The following DPP10 variants were observed in gnomAD, a reference collection of about 807,000 sequenced individuals.
DPP10 encodes the protein dipeptidyl peptidase like 10, also known as inactive dipeptidyl peptidase 10.
In DPP10, 33 loss-of-function variants were observed where a neutral mutation model predicts 120.9. That is an observed-to-expected ratio of 0.27 (90% CI 0.21 to 0.37). DPP10 has a LOEUF of 0.37. DPP10 is among the 10% of genes least tolerant of loss of function. DPP10 has a pLI of 1.00. For missense variants in DPP10, 816 were observed against 942.8 expected (o/e 0.87, Z 1.76); for synonymous variants, 337 against 326.1 (o/e 1.03, Z -0.36).
intron 1 of DPP10, among the ~76,000 whole-genome samples, chr2:115,179,940 A>C (rs1432522387): frequency 1.3e-5 from 2 of 152,202 alleles, no homozygotes; most frequent in African/African-American, 2.4e-5. Context: ...TATTTCTTTT[A>C]AGATTCTGTA....
At chr2:114,894,285 T>C (rs778376724) in intron 1 of DPP10, among the ~76,000 whole-genome samples, 1 of 152,188 alleles carries the variant, frequency 6.6e-6, no homozygotes, top group Non-Finnish European at 1.5e-5. Flanking sequence ...CAAGGTGCAT[T>C]CGTAACTCTG....
chr2:115,077,110 A>G (rs181825916), intron 1 of DPP10, among the ~76,000 whole-genome samples: 1 of 152,306 alleles, frequency 6.6e-6, no homozygotes, highest in East Asian at 1.9e-4. Flanking sequence ...GAATGCCACC[A>G]TCTCCCTGAT....
intron 1 of DPP10, among the ~76,000 whole-genome samples, chr2:115,179,882 C>T (rs1025720994): frequency 6.6e-6 from 1 of 152,096 alleles, no homozygotes; most frequent in East Asian, 1.9e-4. Context: ...AACCGTTTCA[C>T]AGAAGGAATT....
chr2:114,939,488 C>A (rs1279964857), intron 1 of DPP10, among the ~76,000 whole-genome samples: 1 of 151,962 alleles, frequency 6.6e-6, no homozygotes. Flanking sequence ...TTGTGACTAC[C>A]TTAATAGATA....
intron 1 of DPP10, among the ~76,000 whole-genome samples, chr2:114,779,818 A>ATT (rs1160356819): frequency 6.6e-6 from 1 of 152,090 alleles, no homozygotes; most frequent in Non-Finnish European, 1.5e-5. Flanking sequence ...TTCCAAAAAC[A>ATT]TTTTCTCATG....
chr2:115,747,352 T>C (rs974532503), intron 10 of DPP10, among the ~76,000 whole-genome samples: 4 of 152,212 alleles, frequency 2.6e-5, no homozygotes, highest in East Asian at 1.9e-4. Flanking sequence ...AATCAAATAG[T>C]AACATTTATT....
chr2:115,120,290 C>T (rs989926311), intron 1 of DPP10, among the ~76,000 whole-genome samples: 1 of 152,160 alleles, frequency 6.6e-6, no homozygotes, highest in African/African-American at 2.4e-5. Flanking sequence ...ACCTCCTCAT[C>T]CTGGGAAGGA....
At chr2:114,942,289 A>G (rs1184347096) in intron 1 of DPP10, among the ~76,000 whole-genome samples, 4 of 129,058 alleles carry the variant, frequency 3.1e-5, no homozygotes, top group African/African-American at 1.2e-4. Flanking sequence ...AAAAATGTGT[A>G]TATATATACA....
intron 3 of DPP10, among the ~76,000 whole-genome samples, chr2:115,367,715 G>A (rs1284848496): frequency 6.6e-6 from 1 of 151,944 alleles, no homozygotes; most frequent in Non-Finnish European, 1.5e-5. Context: ...TGAATAACAA[G>A]CACTAATACA....
intron 1 of DPP10, among the ~76,000 whole-genome samples, chr2:114,711,695 T>A (rs1230970009): frequency 6.6e-6 from 1 of 152,208 alleles, no homozygotes; most frequent in African/African-American, 2.4e-5. Context: ...TTAATTATTT[T>A]TTTTTTGTGA....
chr2:114,725,746 C>T (rs1482462462), intron 1 of DPP10, among the ~76,000 whole-genome samples: 1 of 152,206 alleles, frequency 6.6e-6, no homozygotes, highest in Admixed American at 6.5e-5. Context: ...AAACCACTTT[C>T]AGAGTTTATT....
chr2:114,813,941 A>AACACACACACAC (rs375858356), intron 1 of DPP10, among the ~76,000 whole-genome samples: 6 of 139,476 alleles, frequency 4.3e-5, no homozygotes, highest in East Asian at 4.3e-4. Context: ...GGCACGCATG[A>AACACACACACAC]ACACACACAC....
At chr2:115,737,405 A>C (rs1676687245) in intron 8 of DPP10, among the ~76,000 whole-genome samples, 1 of 152,132 alleles carries the variant, frequency 6.6e-6, no homozygotes. Context: ...GGTGAGGCTA[A>C]ATGTTTCTCC....
intron 9 of DPP10, among the ~76,000 whole-genome samples, chr2:115,745,239 C>T (rs1677803353): frequency 8.5e-6 from 1 of 116,966 alleles, no homozygotes; most frequent in African/African-American, 2.5e-5. Context: ...TTTCACGTTG[C>T]ACTGTTTGCT....
chr2:115,111,507 C>T (rs1426778382), intron 1 of DPP10, among the ~76,000 whole-genome samples: 1 of 152,104 alleles, frequency 6.6e-6, no homozygotes, highest in African/African-American at 2.4e-5. Flanking sequence ...GGTGGAGATG[C>T]CCCTTTGTCA....
rs1384844749 is a variant in DPP10 at position 115,845,553 on chromosome 2, A to AT, written c.*3212dup. On this transcript the variant is annotated 3_prime_UTR_variant, in exon 26 of 26. Transcript: ENST00000410059. ...GAAGCCCATAGCTGCATACCCTTCT[A>AT]TTTTCCTCTTCCCCATTTCACTCTT... The AT allele has an allele frequency of 6.6e-6, 1 of 151,890 alleles. No individual in the cohort carries two copies. Among genetic ancestry groups the AT allele is most frequent in the African/African-American group, 2.4e-5 (1 of 41,338 alleles). The allele number at this position is 151,890 out of a possible 1,614,324, so 9.4% of individuals were successfully genotyped here.
intron 1 of DPP10, among the ~76,000 whole-genome samples, chr2:114,903,438 T>C (rs1693739324): frequency 6.6e-6 from 1 of 152,228 alleles, no homozygotes; most frequent in Non-Finnish European, 1.5e-5. Context: ...TAAATCCTTG[T>C]CAGCATTTGA....
At chr2:115,015,613 G>T (rs1468770461) in intron 1 of DPP10, among the ~76,000 whole-genome samples, 1 of 152,106 alleles carries the variant, frequency 6.6e-6, no homozygotes, top group Non-Finnish European at 1.5e-5. Context: ...CATCATCTCA[G>T]CCCAAAATCT....
chr2:115,718,055 T>G (rs140305658), intron 7 of DPP10, among the ~76,000 whole-genome samples: 1 of 152,272 alleles, frequency 6.6e-6, no homozygotes, highest in Non-Finnish European at 1.5e-5. Context: ...GGGTGCGTGG[T>G]CATTAATTTA....
Sources: allele counts gnomAD v4.1 joint callset (sites outside exome capture counted in the v4.1 genomes callset), GRCh38; gene constraint gnomAD v4.1.1; transcripts MANE v1.5; gene names NCBI Gene and HGNC (gene_info 2026-07-23, HGNC 2026-07-21).